Variants in FHIP2A observed in about 807,000 individuals in gnomAD.
FHIP2A encodes the protein family with sequence similarity 160 member B1.
FHIP2A carries 46 observed loss-of-function variants against 93.5 expected under a neutral mutation model. The observed-to-expected ratio is 0.49, with a 90% confidence interval of 0.39 to 0.63. The LOEUF (loss-of-function observed/expected upper bound fraction) is 0.63. Among genes scored for constraint, FHIP2A ranks in the 20% least tolerant of loss-of-function variants. The pLI is 0.00. For missense variants in FHIP2A, 769 were observed against 909.7 expected, an observed-to-expected ratio of 0.85 and a Z score of 1.99; for synonymous variants, 332 against 326.5, an observed-to-expected ratio of 1.02 and a Z score of -0.18.
chr10:114,877,782 G>A (rs1421397571), intron 16 of FHIP2A, among the ~76,000 whole-genome samples: 2 of 152,204 alleles, frequency 1.3e-5, no homozygotes, highest in African/African-American at 4.8e-5. Flanking sequence ...CAATGGTTGA[G>A]AATTTCTGCA....
intron 16 of FHIP2A, among the ~76,000 whole-genome samples, chr10:114,894,395 CAA>C (rs3086069): frequency 0.19 from 20,249 of 109,050 alleles, 1,410 homozygotes; most frequent in East Asian, 0.25. Flanking sequence ...CCCATCTCTA[CAA>C]AAAAAAAAAA....
chr10:114,871,651 A>G (rs2083860832), intron 16 of FHIP2A, among the ~76,000 whole-genome samples: 1 of 152,170 alleles, frequency 6.6e-6, no homozygotes, highest in African/African-American at 2.4e-5. Flanking sequence ...GACCCATCTC[A>G]GTGGCAGCAT....
chr10:114,833,571 T>C, intron 3 of FHIP2A, 169 bp downstream of exon 3: 2 of 588,992 alleles, frequency 3.4e-6, no homozygotes, highest in Non-Finnish European at 5.8e-6. Context: ...AATATGTCCA[T>C]AGAGATAGAA....
chr10:114,836,711 C>T (rs1260519584), intron 5 of FHIP2A, among the ~76,000 whole-genome samples: 3 of 152,084 alleles, frequency 2.0e-5, no homozygotes, highest in African/African-American at 7.2e-5. Flanking sequence ...GTTTTGATAG[C>T]CATAGTCACC....
At chr10:114,854,811 T>C (rs2083757539) in intron 13 of FHIP2A, among the ~76,000 whole-genome samples, 1 of 152,208 alleles carries the variant, frequency 6.6e-6, no homozygotes, top group African/African-American at 2.4e-5. Flanking sequence ...ATGTATCAGT[T>C]CATCTGTGGT....
chr10:114,844,179 G>A, intron 7 of FHIP2A, among the ~76,000 whole-genome samples: 1 of 152,006 alleles, frequency 6.6e-6, no homozygotes, highest in Non-Finnish European at 1.5e-5. Context: ...AATTTTTAAG[G>A]GCTTACATTA....
chr10:114,875,444 A>G (rs1407694271), intron 16 of FHIP2A, among the ~76,000 whole-genome samples: 1 of 152,190 alleles, frequency 6.6e-6, no homozygotes, highest in Non-Finnish European at 1.5e-5. Context: ...CTGTAATCCC[A>G]GCACTTTGGC....
Position 114,843,911 on chromosome 10 carries a change from T to C in FHIP2A, c.987T>C (p.Ile329=). ...CTCAGTCAGTGGATCCGTTAGATAT[T>C]GAAACCGTGGAAGCAATTAACTGGG... The part of the protein sequence containing the change: ...ALPQSVDPLD[I]ETVEAINWGL... Residue 329 remains isoleucine, a synonymous_variant, in exon 7 of 17, where the codon ATT becomes ATC. Coordinates refer to ENST00000369248, the MANE Select transcript of FHIP2A (RefSeq NM_020940.4). 6.3e-7 allele frequency: 1 copy of C among 1,580,508 alleles called. No individual in the cohort carries two copies. Among genetic ancestry groups the C allele is most frequent in the South Asian group, 1.2e-5 (1 of 84,694 alleles).
intron 3 of FHIP2A, among the ~76,000 whole-genome samples, chr10:114,834,766 T>C (rs1208544157): frequency 2.6e-5 from 4 of 152,098 alleles, no homozygotes; most frequent in South Asian, 2.1e-4. Context: ...ATTTGATTTA[T>C]ATTATGATTA....
chr10:114,881,934 A>G (rs1176319032), intron 16 of FHIP2A, among the ~76,000 whole-genome samples: 2 of 152,156 alleles, frequency 1.3e-5, no homozygotes, highest in Admixed American at 6.5e-5. Flanking sequence ...TTGTGCGTGC[A>G]CGTGCGCGTG....
chr10:114,828,281 A>G (rs568103961), intron 1 of FHIP2A, among the ~76,000 whole-genome samples: 25 of 152,306 alleles, frequency 1.6e-4, no homozygotes, highest in African/African-American at 5.3e-4. Context: ...ACCTACAACA[A>G]GGGTCCTGAC....
chr10:114,895,320 C>A (rs1240692324), intron 16 of FHIP2A, among the ~76,000 whole-genome samples: 2 of 152,152 alleles, frequency 1.3e-5, no homozygotes, highest in African/African-American at 4.8e-5. Flanking sequence ...AGTACTGGTC[C>A]ATAGAACCCT....
chr10:114,823,252 T>TA (rs1176798659), intron 1 of FHIP2A, among the ~76,000 whole-genome samples: 1 of 152,170 alleles, frequency 6.6e-6, no homozygotes, highest in Non-Finnish European at 1.5e-5. Context: ...TGAGAAGCGT[T>TA]AAAAAATTTA....
intron 16 of FHIP2A, among the ~76,000 whole-genome samples, chr10:114,871,642 A>T (rs1262150446): frequency 6.6e-6 from 1 of 152,034 alleles, no homozygotes; most frequent in Non-Finnish European, 1.5e-5. Flanking sequence ...TCCTGACTAG[A>T]CCCATCTCAG....
In FHIP2A at chr10:114,846,631, G is replaced by A. The variant is rs2083702826; in HGVS notation, c.1471G>A (p.Val491Ile). Residue 491 changes from valine (V) to isoleucine (I), a missense_variant, in exon 11 of 17, where the codon GTC (valine) becomes ATC (isoleucine). Coordinates refer to ENST00000369248, the MANE Select transcript of FHIP2A (RefSeq NM_020940.4). ...CAATGAGCACATTCTTTACAACTTG[G>A]TCTTGAGAAATCTTGAAGAAAGAAA... ...KPNEHILYNL[V>I]LRNLEERNYT... 1.2e-6 allele frequency: 2 copies of A among 1,612,240 alleles called. No individual in the cohort carries two copies. The highest frequency in any genetic ancestry group is 1.3e-5 in the African/African-American group (1 of 74,860).
intron 10 of FHIP2A, 93 bp from the exon 11 acceptor site, chr10:114,846,466 C>A: frequency 7.0e-7 from 1 of 1,434,888 alleles, no homozygotes. Context: ...CTTTTATTGG[C>A]TTTAGAAATT....
At position 114,846,333 on chromosome 10, in the gene FHIP2A, G is replaced by C. The variant is rs749788610; in HGVS notation, c.1364G>C (p.Arg455Thr). 1.1e-5 allele frequency: 18 copies of C among 1,613,988 alleles called. No individual in the cohort carries two copies. The South Asian group carries it at 2.0e-4, about 18-fold the overall frequency. ...AEISRHPLRH[R>T]LIEHCDHISD... ...ATCAGCAGACATCCTTTAAGGCATA[G>C]GTTAATTGAACATTGTGATCACATA... is the stretch of plus-strand genomic sequence containing the variant. Residue 455 changes from arginine (R) to threonine (T), a missense_variant, in exon 10 of 17, where the codon AGG becomes ACG. By Grantham distance (71) the Arg-to-Thr change is moderately conservative. Transcript: ENST00000369248.
chr10:114,832,966 G>A (rs191744976), intron 2 of FHIP2A, among the ~76,000 whole-genome samples: 29 of 152,048 alleles, frequency 1.9e-4, no homozygotes, highest in East Asian at 1.2e-3. Context: ...CACCTGCCTC[G>A]GCCTCCCAAA....
At position 114,841,215 on chromosome 10, in the gene FHIP2A, G is replaced by A. The variant is rs1034981975; in HGVS notation, c.523-1718G>A. Among the ~76,000 whole-genome samples, 6 of 151,586 alleles carry A rather than the reference G, an allele frequency of 4.0e-5. No individual in the cohort carries two copies. In the East Asian group the frequency reaches 5.8e-4, roughly 15 times the overall value. On this transcript the variant is annotated intron_variant, in intron 5 of 16. Transcript: ENST00000369248. ...TCCTCTTGCTGTTCTTATTTGAGAC[G>A]CCTCTCCCAACAATATTACTAGTAT...
Sources: allele counts gnomAD v4.1 joint callset (sites outside exome capture counted in the v4.1 genomes callset), GRCh38; gene constraint gnomAD v4.1.1; transcripts MANE v1.5; gene names NCBI Gene and HGNC (gene_info 2026-07-23, HGNC 2026-07-21).